The following ZNF24 variants were observed in gnomAD, a reference collection of about 807,000 sequenced individuals.
ZNF24 encodes retinoic acid suppression protein A.
Under a neutral mutation model 40.9 loss-of-function variants are expected in ZNF24, and 11 were observed. The observed-to-expected ratio is 0.27, with a 90% CI of 0.17 to 0.45. The LOEUF is 0.45. Among genes scored for constraint, ZNF24 ranks in the 20% least tolerant of loss-of-function variants. ZNF24 has a pLI of 1.00. For missense variants in ZNF24, 293 were observed against 437.7 expected (o/e 0.67, Z 2.95); for synonymous variants, 139 against 154.7 (o/e 0.90, Z 0.75).
At chr18:35,338,467 T>A in intron 3 of ZNF24, 3 of 985,466 alleles carry the variant, frequency 3.0e-6, no homozygotes, top group Non-Finnish European at 3.6e-6. Flanking sequence ...ACGTGTCCAA[T>A]GAAAGAAAAG....
Position 35,340,295 on chromosome 18 carries a change from T to C in ZNF24, c.356A>G (p.Asn119Ser). 2 of 1,614,202 alleles carry C rather than the reference T, an allele frequency of 1.2e-6. No homozygotes were observed. Among genetic ancestry groups the C allele is most frequent in the Non-Finnish European group, 1.7e-6 (2 of 1,180,022 alleles). ...CAGCACTGTCACTGCCTCCTCTCCA[T>C]TCTCTGGATGATGATCTCGAACCCA... is the stretch of plus-strand genomic sequence containing the variant. ...QTWVRDHHPE[N>S]GEEAVTVLED... The change falls in exon 2 of 4, where the codon AAT becomes AGT. Residue 119 changes from asparagine (N) to serine (S), a missense_variant. Coordinates refer to ENST00000261332, the MANE Select transcript of ZNF24 (RefSeq NM_006965.4). This position sits in a 1 kb window ranked among gnomAD's most constrained non-coding sequence, Gnocchi z 4.6.
At chr18:35,339,714 G>T in intron 3 of ZNF24, 115 bp downstream of exon 3, 3 of 920,492 alleles carry the variant, frequency 3.3e-6, no homozygotes, top group Non-Finnish European at 3.0e-6. Context: ...GAAAAAAACT[G>T]AGATATTAGA....
chr18:35,339,962 T>C lies in ZNF24; in HGVS notation c.435A>G (p.Arg145=). 1 of 1,609,266 alleles carries C rather than the reference T, an allele frequency of 6.2e-7. No homozygotes were observed. The highest frequency in any genetic ancestry group is 1.1e-5 in the South Asian group (1 of 90,872). Residue 145 remains arginine, a synonymous_variant, in exon 3 of 4, where the codon CGA becomes CGG. Transcript: ENST00000261332. ...CTTCTACTAGTACTTCCCGTTTTCGTCGACGGAGAGAAACCTGGAAACAGA... is the reference window on the plus strand; with the variant it reads ...CTTCTACTAGTACTTCCCGTTTTCGCCGACGGAGAGAAACCTGGAAACAGA... The part of the protein sequence containing the change: ...DDPGQPVSLR[R]RKREVLVEDM...
At chr18:35,341,150 G>T (rs183836183) in intron 1 of ZNF24, among the ~76,000 whole-genome samples, 2 of 122,960 alleles carry the variant, frequency 1.6e-5, no homozygotes, top group African/African-American at 6.3e-5. Context: ...GAGTTGAGTA[G>T]TTTCAACAGA....
chr18:35,339,218 T>TTTCC (rs1461689369), intron 3 of ZNF24: 3 of 549,678 alleles, frequency 5.5e-6, no homozygotes, highest in Non-Finnish European at 6.2e-6. Context: ...AAGACTGGTC[T>TTTCC]CGTGAATTAA....
At chr18:35,343,850 TCCCGGCCCCGGC>T (rs372654838) in intron 1 of ZNF24, 18,699 of 156,714 alleles carry the variant, frequency 0.12, 1,285 homozygotes, top group Middle Eastern at 0.17. Context: ...CTGCTGTGTA[TCCCGGCCCCGGC>T]CCCGGCCCCG....
rs1399003340 is a variant in ZNF24 at position 35,333,363 on chromosome 18, A to T, written c.*3869T>A. On this transcript the variant is annotated 3_prime_UTR_variant, in exon 4 of 4. Transcript: ENST00000261332. Reference sequence around the variant, plus strand: ...TTATGTGTATGTATATTCGTACGGAAAGGTGACTAGAGGATGTATGTTAAA... The same window carrying T: ...TTATGTGTATGTATATTCGTACGGATAGGTGACTAGAGGATGTATGTTAAA... 1 of 152,186 alleles carries T rather than the reference A, an allele frequency of 6.6e-6. No individual in the cohort carries two copies. Among genetic ancestry groups the T allele is most frequent in the Admixed American group, 6.5e-5 (1 of 15,284 alleles). The allele number at this position is 152,186 out of a possible 1,614,324, so 9.4% of individuals were successfully genotyped here.
rs2044901475 is a variant in ZNF24, at chr18:35,335,791, G to A, written c.*1441C>T. ...ATTAAAAAAAAATTCAATTGTGATAGGTTAATAAACTAGTTAATTGTCTAG... is the reference window on the plus strand; with the variant it reads ...ATTAAAAAAAAATTCAATTGTGATAAGTTAATAAACTAGTTAATTGTCTAG... On this transcript the variant is annotated 3_prime_UTR_variant, in exon 4 of 4. Transcript: ENST00000261332. 6.6e-6 allele frequency: 1 copy of A among 151,856 alleles called. No homozygotes were observed. Among genetic ancestry groups the A allele is most frequent in the African/African-American group, 2.4e-5 (1 of 41,378 alleles). 9.4% of individuals were successfully genotyped at this position (151,856 alleles called of 1,614,324 possible). A position where few individuals can be genotyped will look rare whatever the true frequency, so the allele number is the denominator to read the frequency against.
At position 35,335,381 on chromosome 18, in the gene ZNF24, A is replaced by G. The variant is rs1215076106; in HGVS notation, c.*1851T>C. The G allele has an allele frequency of 1.3e-5, 2 of 152,214 alleles. No individual in the cohort carries two copies. Among genetic ancestry groups the G allele is most frequent in the African/African-American group, 4.8e-5 (2 of 41,450 alleles). The allele number at this position is 152,214 out of a possible 1,614,324, so 9.4% of individuals were successfully genotyped here. A position where few individuals can be genotyped will look rare whatever the true frequency, so the allele number is the denominator to read the frequency against. ...TTTATACTTCAATAAATCTTAATCT[A>G]TAAAGCACATTTTTTATAATTGTTA... is the stretch of plus-strand genomic sequence containing the variant. On this transcript the variant is annotated 3_prime_UTR_variant, in exon 4 of 4. Coordinates refer to ENST00000261332, the MANE Select transcript of ZNF24 (RefSeq NM_006965.4).
intron 3 of ZNF24, chr18:35,338,515 A>G: frequency 1.0e-6 from 1 of 985,830 alleles, no homozygotes. Flanking sequence ...ACTCACACGC[A>G]GGCAGAGATA....
intron 3 of ZNF24, chr18:35,338,442 C>T (rs76842546): frequency 0.022 from 22,124 of 985,378 alleles, 283 homozygotes; most frequent in Non-Finnish European, 0.025. Flanking sequence ...ATCGTTATTT[C>T]TAAGCCTCAG....
chr18:35,334,019 A>C lies in ZNF24; in HGVS notation c.*3213T>G, dbSNP rs963114142. 2.0e-5 allele frequency: 3 copies of C among 152,200 alleles called. No individual in the cohort carries two copies. Among genetic ancestry groups the C allele is most frequent in the Non-Finnish European group, 4.4e-5 (3 of 68,044 alleles). 9.4% of individuals were successfully genotyped at this position (152,200 alleles called of 1,614,324 possible). A position where few individuals can be genotyped will look rare whatever the true frequency, so the allele number is the denominator to read the frequency against. On this transcript the variant is annotated 3_prime_UTR_variant, in exon 4 of 4. Coordinates refer to ENST00000261332, the MANE Select transcript of ZNF24 (RefSeq NM_006965.4). Reference sequence around the variant, plus strand: ...GTAGCTGAGGATTAAGAGTTAATCCATGATAAAGCACTTCAAATAGTGCCT... The same window carrying C: ...GTAGCTGAGGATTAAGAGTTAATCCCTGATAAAGCACTTCAAATAGTGCCT...
chr18:35,337,784 A>T lies in ZNF24; in HGVS notation c.569-14T>A. On this transcript the variant is annotated splice_polypyrimidine_tract_variant and intron_variant, in intron 3 of 3. Coordinates refer to ENST00000261332, the MANE Select transcript of ZNF24 (RefSeq NM_006965.4). Reference sequence around the variant, plus strand: ...TACCATCATCATCTGAAATAAACAGAAAATGTAAATATCATTCATTATCTA... The same window carrying T: ...TACCATCATCATCTGAAATAAACAGTAAATGTAAATATCATTCATTATCTA... 1 of 1,534,016 alleles carries T rather than the reference A, an allele frequency of 6.5e-7. No individual in the cohort carries two copies. The highest frequency in any genetic ancestry group is 8.7e-7 in the Non-Finnish European group (1 of 1,149,694).
rs1040423267 is a variant in ZNF24, at chr18:35,335,007, C to G, written c.*2225G>C. On this transcript the variant is annotated 3_prime_UTR_variant, in exon 4 of 4. Coordinates refer to ENST00000261332, the MANE Select transcript of ZNF24 (RefSeq NM_006965.4). ...TTTCTACACTCACATTACCAAATAT[C>G]TTTGGCATTTATGACAAATCTACCA... The G allele has an allele frequency of 2.0e-5, 3 of 152,194 alleles. No homozygotes were observed. Among genetic ancestry groups the G allele is most frequent in the Admixed American group, 6.5e-5 (1 of 15,268 alleles). 9.4% of individuals were successfully genotyped at this position (152,194 alleles called of 1,614,324 possible).
rs867955998 is a variant in ZNF24 at position 35,333,563 on chromosome 18, G to C, written c.*3669C>G. On this transcript the variant is annotated 3_prime_UTR_variant, in exon 4 of 4. Coordinates refer to ENST00000261332, the MANE Select transcript of ZNF24 (RefSeq NM_006965.4). Reference sequence around the variant, plus strand: ...AAATGGCCAAGAAACATGAAAAGATGTTCCTCCTCATTAATATTCAAAGAA... The same window carrying C: ...AAATGGCCAAGAAACATGAAAAGATCTTCCTCCTCATTAATATTCAAAGAA... 2 of 152,148 alleles carry C rather than the reference G, an allele frequency of 1.3e-5. No homozygotes were observed. Among genetic ancestry groups the C allele is most frequent in the African/African-American group, 2.4e-5 (1 of 41,444 alleles). 9.4% of individuals were successfully genotyped at this position (152,148 alleles called of 1,614,324 possible).
At chr18:35,338,869 C>A in intron 3 of ZNF24, 5 of 1,363,228 alleles carry the variant, frequency 3.7e-6, no homozygotes, top group Non-Finnish European at 3.8e-6. Context: ...AATATCAGCC[C>A]CATATATCAA....
At position 35,340,347 on chromosome 18, in the gene ZNF24, C is replaced by T; in HGVS notation, c.304G>A (p.Ala102Thr). ...GTCTGTAGCTCTTTGGGTAGGATGG[C>T]AACAAACTGCTCCAGCACTACCAGC... ...LELVVLEQFV[A>T]ILPKELQTWV... Residue 102 changes from alanine to threonine, a missense_variant, in exon 2 of 4, where the codon GCC (alanine) becomes ACC (threonine). By Grantham distance (58) the Ala-to-Thr change is moderately conservative (BLOSUM62 0). Transcript: ENST00000261332. The surrounding 1 kb of genome is among the most constrained non-coding windows in gnomAD (Gnocchi z 4.6). The T allele has an allele frequency of 2.5e-6, 4 of 1,614,208 alleles. No homozygotes were observed. Among genetic ancestry groups the T allele is most frequent in the East Asian group, 2.2e-5 (1 of 44,874 alleles).
intron 1 of ZNF24, among the ~76,000 whole-genome samples, chr18:35,341,349 TAAAC>T: frequency 6.6e-6 from 1 of 152,236 alleles, no homozygotes; most frequent in South Asian, 2.1e-4. Flanking sequence ...GATGCTGGTG[TAAAC>T]AAACCTGCTG....
chr18:35,337,307 A>G lies in ZNF24; in HGVS notation c.1032T>C (p.Tyr344=), dbSNP rs1180999459. 1 of 1,608,194 alleles carries G rather than the reference A, an allele frequency of 6.2e-7. No individual in the cohort carries two copies. Among genetic ancestry groups the G allele is most frequent in the South Asian group, 1.1e-5 (1 of 90,300 alleles). The part of the protein sequence containing the change: ...PYECVQCGKS[Y]SQSSNLFRHQ... ...GTCTAAAAAGATTTGAGCTTTGACT[A>G]TACGATTTCCCACACTGAACGCATT... is the stretch of plus-strand genomic sequence containing the variant. The change falls in exon 4 of 4, where the codon TAT becomes TAC. Residue 344 remains tyrosine, a synonymous_variant. Transcript: ENST00000261332.
Sources: gnomAD v4.1 joint callset for allele counts (sites outside exome capture counted in the v4.1 genomes callset) on GRCh38, gnomAD v4.1.1 for gene constraint, Gnocchi (gnomAD v3.1) non-coding constraint, MANE v1.5 for transcripts, NCBI Gene and HGNC (gene_info 2026-07-23, HGNC 2026-07-21) for gene names.